The following MUC12 variants were observed in gnomAD, a reference collection of about 807,000 sequenced individuals.
The protein encoded by MUC12 is mucin-12.
A neutral mutation model predicts 230.8 loss-of-function variants in MUC12; 172 were observed. The ratio of observed to expected loss-of-function variants is 0.75; its 90% CI spans 0.66 to 0.85. MUC12 has a LOEUF of 0.85. Among genes scored for constraint, MUC12 ranks in the 40% least tolerant of loss-of-function variants. MUC12 has a pLI of 0.00. For synonymous variants in MUC12, 1,259 were observed against 2,401.9 expected, an observed-to-expected ratio of 0.52 and a Z score of 13.91; for missense variants, 3,506 against 5,920.6, an observed-to-expected ratio of 0.59 and a Z score of 13.38.
Position 101,012,814 on chromosome 7 carries a change from G to C in MUC12, c.15404-5G>C. 1 of 1,537,172 alleles carries C rather than the reference G, an allele frequency of 6.5e-7. No homozygotes were observed. The highest frequency in any genetic ancestry group is 8.7e-7 in the Non-Finnish European group (1 of 1,146,884). On this transcript the variant is annotated splice_polypyrimidine_tract_variant and splice_region_variant and intron_variant, in intron 6 of 11. Transcript: ENST00000536621. ...TCCATCTTCCTTCCCATCCACTCTC[G>C]GCAGAGGCCATACTGTGCTATAGTG...
Position 101,018,514 on chromosome 7 carries a change from G to A in MUC12, c.15967-81G>A, listed in dbSNP as rs908379258. The A allele has an allele frequency of 1.1e-4, 94 of 882,754 alleles. No homozygotes were observed. In the East Asian group the frequency reaches 2.3e-3, roughly 21 times the overall value. The allele number at this position is 882,754 out of a possible 1,614,324, so 54.7% of individuals were successfully genotyped here. ...CTCCCCCTGGGGTTCCCTCCTCCCC[G>A]CCAGGGCTCCCTCTTCCTCCTGGGG... is the stretch of plus-strand genomic sequence containing the variant. On this transcript the variant is annotated intron_variant, in intron 11 of 11. Coordinates refer to ENST00000536621, the MANE Select transcript of MUC12 (RefSeq NM_001164462.2).
intron 1 of MUC12, chr7:100,972,942 C>G: frequency 1.4e-6 from 1 of 703,062 alleles, no homozygotes; most frequent in East Asian, 2.7e-5. Flanking sequence ...AAAATCATTT[C>G]CACAGGTCTG....
At position 101,005,347 on chromosome 7, in the gene MUC12, C is replaced by T. The variant is rs192782561; in HGVS notation, c.14784C>T (p.Asp4928=). ...TACCTGCCCGCTCCACAGCCTCAGACCTTGTTGGAGAACCTACAACTTTCT... is the reference window on the plus strand; with the variant it reads ...TACCTGCCCGCTCCACAGCCTCAGATCTTGTTGGAGAACCTACAACTTTCT... The part of the protein sequence containing the change: ...TPLPARSTAS[D]LVGEPTTFYI... The change falls in exon 2 of 12, where the codon GAC becomes GAT. Residue 4928 remains aspartate, a synonymous_variant. Transcript: ENST00000536621. The T allele has an allele frequency of 3.8e-5, 58 of 1,537,942 alleles. No homozygotes were observed. The Admixed American group carries it at 1.1e-3, about 30-fold the overall frequency.
At position 101,017,626 on chromosome 7, in the gene MUC12, T is replaced by A; in HGVS notation, c.15929T>A (p.Phe5310Tyr). The A allele has an allele frequency of 6.5e-7, 1 of 1,535,878 alleles. No homozygotes were observed. Among genetic ancestry groups the A allele is most frequent in the East Asian group, 2.4e-5 (1 of 40,876 alleles). The change falls in exon 11 of 12, where the codon TTC (phenylalanine) becomes TAC (tyrosine). Residue 5310 changes from phenylalanine (F) to tyrosine (Y), a missense_variant. Phe to Tyr is a conservative substitution (Grantham distance 22). Transcript: ENST00000536621. Reference sequence around the variant, plus strand: ...GGCCTTGAGAACGCCTACAACAACTTCCGGCCCACCCTGGAGACTGTTGAC... The same window carrying A: ...GGCCTTGAGAACGCCTACAACAACTACCGGCCCACCCTGGAGACTGTTGAC... Reference protein sequence around the residue: ...RFGLENAYNNFRPTLETVDSG... With the variant: ...RFGLENAYNNYRPTLETVDSG...
rs771024827 is a variant in MUC12 at position 101,014,051 on chromosome 7, C to T, written c.15777C>T (p.Ser5259=). Reference sequence around the variant, plus strand: ...TGATCATCCTAATCATCTTATTCAGCCTATCCCAGAGAAAACGGCACAGGT... The same window carrying T: ...TGATCATCCTAATCATCTTATTCAGTCTATCCCAGAGAAAACGGCACAGGT... ...LALIILIILF[S]LSQRKRHREQ... The change falls in exon 9 of 12, where the codon AGC becomes AGT. Residue 5259 remains serine (S), a synonymous_variant. Coordinates refer to ENST00000536621, the MANE Select transcript of MUC12 (RefSeq NM_001164462.2). 13 of 1,535,420 alleles carry T rather than the reference C, an allele frequency of 8.5e-6. No homozygotes were observed.
Position 101,001,268 on chromosome 7 carries a change from T to G in MUC12, c.10705T>G (p.Leu3569Val), listed in dbSNP as rs1288637753. Residue 3569 changes from leucine to valine, a missense_variant, in exon 2 of 12, where the codon TTA becomes GTA. By Grantham distance (32) the Leu-to-Val change is conservative (BLOSUM62 1). Transcript: ENST00000536621. Reference protein sequence around the residue: ...TALSPGSTTALSFGQESTTFH... With the variant: ...TALSPGSTTAVSFGQESTTFH... ...ACTGTCCCCTGGCAGTACCACAGCC[T>G]TATCCTTTGGTCAAGAATCTACAAC... The G allele has an allele frequency of 2.0e-6, 3 of 1,535,576 alleles. No homozygotes were observed. Among genetic ancestry groups the G allele is most frequent in the Non-Finnish European group, 1.7e-6 (2 of 1,146,374 alleles).
At chr7:100,974,279 C>G (rs1267767101) in intron 1 of MUC12, among the ~76,000 whole-genome samples, 18 of 152,268 alleles carry the variant, frequency 1.2e-4, no homozygotes, top group Admixed American at 1.2e-3. Context: ...TTCTCCTGCC[C>G]TGTTCTCTCT....
At position 100,997,358 on chromosome 7, in the gene MUC12, T is replaced by C. The variant is rs1305539190; in HGVS notation, c.6795T>C (p.Arg2265=). ...VFPRTPTTSV[R]GEEPTTFHSR... is the part of the protein sequence containing the mutation. ...CTCGCACCCCCACAACCTCAGTTCGTGGTGAAGAGCCTACAACCTTCCACA... is the reference window on the plus strand; with the variant it reads ...CTCGCACCCCCACAACCTCAGTTCGCGGTGAAGAGCCTACAACCTTCCACA... The change falls in exon 2 of 12, where the codon CGT becomes CGC. Residue 2265 remains arginine, a synonymous_variant. Transcript: ENST00000536621. The C allele has an allele frequency of 3.9e-6, 1 of 254,800 alleles. No homozygotes were observed. The allele number at this position is 254,800 out of a possible 1,614,324, so 15.8% of individuals were successfully genotyped here. A position where few individuals can be genotyped will look rare whatever the true frequency, so the allele number is the denominator to read the frequency against.
chr7:101,009,793 G>T (rs923769160), intron 5 of MUC12, among the ~76,000 whole-genome samples: 6 of 152,216 alleles, frequency 3.9e-5, no homozygotes, highest in Non-Finnish European at 8.8e-5. Context: ...AGCCCAGAGG[G>T]GAGAGAGAGG....
Position 100,991,280 on chromosome 7 carries a change from C to A in MUC12, c.717C>A (p.Asn239Lys). 1.3e-6 allele frequency: 2 copies of A among 1,537,714 alleles called. No individual in the cohort carries two copies. Among genetic ancestry groups the A allele is most frequent in the Non-Finnish European group, 8.7e-7 (1 of 1,146,988 alleles). ...CTAAAACAACACGCTTACCTGACAA[C>A]ACCACAACCTCAGGCCTCCTTGAAG... ...GYTKTTRLPD[N>K]TTTSGLLEAS... The change falls in exon 2 of 12, where the codon AAC (asparagine) becomes AAA (lysine). Residue 239 changes from asparagine to lysine, a missense_variant. Transcript: ENST00000536621.
rs57707460 is a variant in MUC12 at position 100,992,690 on chromosome 7, C to G, written c.2127C>G (p.Gly709=). The change falls in exon 2 of 12, where the codon GGC becomes GGG. Residue 709 remains glycine, a synonymous_variant. Transcript: ENST00000536621. ...TCCCTGAAAGCGACACAACTTCAGG[C>G]CGTGGTGAAGAATCAACAACTTCCC... ...MHFPESDTTS[G]RGEESTTSHS... 2.6e-6 allele frequency: 4 copies of G among 1,537,000 alleles called. No individual in the cohort carries two copies. The highest frequency in any genetic ancestry group is 3.5e-6 in the Non-Finnish European group (4 of 1,146,780).
Position 101,017,679 on chromosome 7 carries a change from G to C in MUC12, c.15966+16G>C, listed in dbSNP as rs1020262622. The C allele has an allele frequency of 1.4e-5, 22 of 1,529,464 alleles. No individual in the cohort carries two copies. Among genetic ancestry groups the C allele is most frequent in the Non-Finnish European group, 1.8e-5 (21 of 1,140,698 alleles). The allele number at this position is 1,529,464 out of a possible 1,614,324, so 94.7% of individuals were successfully genotyped here. On this transcript the variant is annotated intron_variant, in intron 11 of 11. Coordinates refer to ENST00000536621, the MANE Select transcript of MUC12 (RefSeq NM_001164462.2). The stretch of plus-strand genomic sequence containing the variant: ...TGGCACAGAGGTGACTCAGCTGCGA[G>C]CTGCCCCCACCCCCTGAGGCTGCTC...
intron 9 of MUC12, 86 bp from the exon 10 acceptor site, chr7:101,015,529 C>T: frequency 8.8e-7 from 1 of 1,136,586 alleles, no homozygotes; most frequent in Admixed American, 2.1e-5. Flanking sequence ...TGTGACTGTC[C>T]CCTCGAGGGA....
In MUC12 at chr7:101,003,723, G is replaced by A; in HGVS notation, c.13160G>A (p.Ser4387Asn). The A allele has an allele frequency of 3.4e-6, 5 of 1,484,512 alleles. No individual in the cohort carries two copies. Among genetic ancestry groups the A allele is most frequent in the Non-Finnish European group, 4.4e-6 (5 of 1,124,892 alleles). 92.0% of individuals were successfully genotyped at this position (1,484,512 alleles called of 1,614,324 possible). A position where few individuals can be genotyped will look rare whatever the true frequency, so the allele number is the denominator to read the frequency against. Residue 4387 changes from serine to asparagine, a missense_variant, in exon 2 of 12, where the codon AGC becomes AAC. Transcript: ENST00000536621. ...GAGGAATCGACAACAGTCCACAGCA[G>A]CCCAGTTGCAACTGCAACAACACCC... Reference protein sequence around the residue: ...RSEESTTVHSSPVATATTPSP... With the variant: ...RSEESTTVHSNPVATATTPSP...
At chr7:100,973,500 G>C in intron 1 of MUC12, among the ~76,000 whole-genome samples, 1 of 149,716 alleles carries the variant, frequency 6.7e-6, no homozygotes, top group African/African-American at 2.5e-5. Context: ...CCGGCACCTT[G>C]GTCTTGAACT....
intron 1 of MUC12, 92 bp downstream of exon 1, chr7:100,969,781 TCC>T: frequency 6.0e-5 from 1 of 16,680 alleles, no homozygotes; most frequent in East Asian, 0.015. Flanking sequence ...GCAGGTGGCC[TCC>T]TCCCCTTTGC....
chr7:100,980,102 G>A (rs546555684), intron 1 of MUC12, among the ~76,000 whole-genome samples: 6 of 151,954 alleles, frequency 3.9e-5, no homozygotes, highest in South Asian at 2.1e-4. Context: ...GGAGTGCAGT[G>A]GTGCCATCTC....
intron 10 of MUC12, 21 bp from the exon 11 acceptor site, chr7:101,017,554 C>T: frequency 6.7e-7 from 1 of 1,500,648 alleles, no homozygotes; most frequent in Non-Finnish European, 9.0e-7. Context: ...TCCCATCACT[C>T]ATCACGGCCT....
At chr7:101,008,888 G>C in intron 4 of MUC12, 127 bp downstream of exon 4, 3 of 1,355,416 alleles carry the variant, frequency 2.2e-6, no homozygotes, top group Non-Finnish European at 2.9e-6. Context: ...GTCTCCCTAA[G>C]TCTTGAAAGG....
Sources: allele counts gnomAD v4.1 joint callset (sites outside exome capture counted in the v4.1 genomes callset), GRCh38; gene constraint gnomAD v4.1.1; transcripts MANE v1.5; gene names NCBI Gene and HGNC (gene_info 2026-07-23, HGNC 2026-07-21).